The following GSE1 variants were observed in gnomAD, a reference collection of about 807,000 sequenced individuals.
GSE1 encodes the protein genetic suppressor element 1.
In GSE1, 32 loss-of-function variants were observed where a neutral mutation model predicts 112.6. That is an observed-to-expected ratio of 0.28 (90% confidence interval 0.21 to 0.38). GSE1 has a LOEUF of 0.38. Among genes scored for constraint, GSE1 ranks in the 10% least tolerant of loss-of-function variants. The pLI, the probability that GSE1 is intolerant of heterozygous loss-of-function variation, is 1.00. For missense variants in GSE1, 2,348 were observed against 1,699.2 expected, an observed-to-expected ratio of 1.38 and a Z score of -6.71; for synonymous variants, 1,115 against 735.6, an observed-to-expected ratio of 1.52 and a Z score of -8.35.
At chr16:85,240,057 G>A (rs182189210) in intron 1 of GSE1, among the ~76,000 whole-genome samples, 3 of 152,242 alleles carry the variant, frequency 2.0e-5, no homozygotes, top group African/African-American at 4.8e-5. Flanking sequence ...GCCCTGTGGC[G>A]CCGCCAGTGC....
chr16:85,649,590 G>A (rs1358872990), intron 3 of GSE1, among the ~76,000 whole-genome samples: 2 of 152,244 alleles, frequency 1.3e-5, no homozygotes, highest in African/African-American at 4.8e-5. Context: ...TTCTGCCGCT[G>A]CCTGGGGCCT....
At chr16:85,481,121 C>G (rs1182382582) in intron 2 of GSE1, among the ~76,000 whole-genome samples, 1 of 152,238 alleles carries the variant, frequency 6.6e-6, no homozygotes, top group Non-Finnish European at 1.5e-5. Flanking sequence ...AGCCACGCCT[C>G]GCTTCTCTCC....
rs34575276 is a variant in GSE1, at chr16:85,244,990, C to CAA, written c.2283+73200_2283+73201dup. Among the ~76,000 whole-genome samples the CAA allele has an allele frequency of 4.0e-3, 467 of 117,712 alleles. 2 individuals are homozygous for CAA. Among genetic ancestry groups the CAA allele is most frequent in the African/African-American group, 4.6e-3 (134 of 29,448 alleles). The allele number at this position is 117,712 out of a possible 152,430, so 77.2% of individuals were successfully genotyped here. On this transcript the variant is annotated intron_variant, in intron 1 of 2. Transcript: ENST00000637419. ...TGGGCAACAGAGTGAGACTTCATCT[C>CAA]AAAAAAAAAAAAAAAAAATTTTTTT...
In GSE1 at chr16:85,629,268, TCAGCCACC is replaced by T. The variant is rs527356390; in HGVS notation, c.8-4640_8-4633del. Among the ~76,000 whole-genome samples, 5 of 152,342 alleles carry T rather than the reference TCAGCCACC, an allele frequency of 3.3e-5. No homozygotes were observed. The South Asian group carries it at 1.0e-3, about 32-fold the overall frequency. On this transcript the variant is annotated intron_variant, in intron 1 of 15. Transcript: ENST00000253458. ...TTTATAGCAACACAGACAGCCTAGT[TCAGCCACC>T]CAGCCCGTGCCTGTGGCTGGTGGTC...
chr16:85,611,306 G>T (rs1360201251), upstream of GSE1: 1 of 143,742 alleles, frequency 7.0e-6, no homozygotes, highest in East Asian at 2.0e-4. Flanking sequence ...GGGTGGAGGC[G>T]CCCCTCCCCC....
intron 1 of GSE1, among the ~76,000 whole-genome samples, chr16:85,196,954 A>G (rs2074938942): frequency 6.6e-6 from 1 of 152,144 alleles, no homozygotes. Context: ...GCGTCAGAGG[A>G]TGAGCACTGG....
chr16:85,296,677 A>G (rs2045375827), intron 1 of GSE1, among the ~76,000 whole-genome samples: 1 of 152,214 alleles, frequency 6.6e-6, no homozygotes, highest in Admixed American at 6.5e-5. Context: ...GCGCCCTTCA[A>G]CTTCTTCCTC....
At chr16:85,187,641 G>T (rs1200872949) in intron 1 of GSE1, among the ~76,000 whole-genome samples, 1 of 152,292 alleles carries the variant, frequency 6.6e-6, no homozygotes, top group East Asian at 1.9e-4. Context: ...TTTGGCTAAG[G>T]GTGTGCGGAC....
chr16:85,402,358 A>T (rs1262388323), intron 2 of GSE1, among the ~76,000 whole-genome samples: 2 of 152,012 alleles, frequency 1.3e-5, no homozygotes, highest in Non-Finnish European at 2.9e-5. Context: ...AGGAAGGGGG[A>T]CTCGAGAGAG....
chr16:85,558,582 A>G (rs1598176789), intron 1 of GSE1, among the ~76,000 whole-genome samples: 1 of 151,792 alleles, frequency 6.6e-6, no homozygotes, highest in African/African-American at 2.4e-5. Flanking sequence ...GGTAGGCAGG[A>G]GGGGTGACTT....
At chr16:85,360,991 C>G (rs543819713) in intron 2 of GSE1, among the ~76,000 whole-genome samples, 1 of 152,174 alleles carries the variant, frequency 6.6e-6, no homozygotes, top group East Asian at 1.9e-4. Flanking sequence ...GCCACACACA[C>G]AGAAGCCAAA....
At chr16:85,654,212 G>C (rs2151917506) in intron 3 of GSE1, 66 bp from the exon 4 acceptor site, 1 of 1,440,338 alleles carries the variant, frequency 6.9e-7, no homozygotes, top group East Asian at 2.5e-5. Context: ...CAGGAGACCT[G>C]GCTGTGTCCT....
At chr16:85,599,250 A>T (rs1459841615) in intron 1 of GSE1, among the ~76,000 whole-genome samples, 1 of 152,208 alleles carries the variant, frequency 6.6e-6, no homozygotes, top group Non-Finnish European at 1.5e-5. Context: ...TTGGAGAGAG[A>T]GGCGGGGGAG....
At chr16:85,428,305 C>A (rs1169284146) in intron 2 of GSE1, among the ~76,000 whole-genome samples, 1 of 152,196 alleles carries the variant, frequency 6.6e-6, no homozygotes, top group African/African-American at 2.4e-5. Flanking sequence ...TTGGTGAGAG[C>A]TGTGAGGGGC....
At chr16:85,377,859 C>A (rs975052964) in intron 2 of GSE1, among the ~76,000 whole-genome samples, 3 of 152,198 alleles carry the variant, frequency 2.0e-5, no homozygotes, top group Non-Finnish European at 4.4e-5. Context: ...GGCATGGGCC[C>A]CCAATCCTCG....
chr16:85,277,976 G>A (rs1055962565), intron 1 of GSE1, among the ~76,000 whole-genome samples: 2 of 152,274 alleles, frequency 1.3e-5, no homozygotes, highest in African/African-American at 4.8e-5. Context: ...AGAGGGGAAT[G>A]GGTGGGAAAG....
At chr16:85,394,125 CG>C (rs2047912902) in intron 2 of GSE1, among the ~76,000 whole-genome samples, 1 of 150,086 alleles carries the variant, frequency 6.7e-6, no homozygotes, top group African/African-American at 2.5e-5. Flanking sequence ...TTCGGGCTGT[CG>C]GGGACCGGGG....
chr16:85,670,277 C>G (rs938674020), intron 14 of GSE1, among the ~76,000 whole-genome samples: 1 of 152,156 alleles, frequency 6.6e-6, no homozygotes, highest in Non-Finnish European at 1.5e-5. Flanking sequence ...CTTGTCACTC[C>G]AGTGCTGCCA....
intron 1 of GSE1, among the ~76,000 whole-genome samples, chr16:85,557,228 C>G (rs2045275658): frequency 6.6e-6 from 1 of 152,226 alleles, no homozygotes; most frequent in Admixed American, 6.5e-5. Flanking sequence ...TCCTGTGCCC[C>G]CTGGGGTCGG....
Sources: gnomAD v4.1 joint callset for allele counts (sites outside exome capture counted in the v4.1 genomes callset) on GRCh38, gnomAD v4.1.1 for gene constraint, MANE v1.5 for transcripts, NCBI Gene and HGNC (gene_info 2026-07-23, HGNC 2026-07-21) for gene names.